CSMD1: variants seen among roughly 807,000 people sequenced by gnomAD.
The protein encoded by CSMD1 is CUB and Sushi multiple domains 1.
CSMD1 carries 213 observed loss-of-function variants against 417.5 expected under a neutral mutation model. The ratio of observed to expected loss-of-function variants is 0.51; its 90% CI spans 0.46 to 0.57. The LOEUF is 0.57. Ranked by LOEUF, CSMD1 falls within the 20% of genes least tolerant of loss-of-function variation. The pLI, the probability that CSMD1 is intolerant of heterozygous loss-of-function variation, is 0.00. For synonymous variants in CSMD1, 2,862 were observed against 1,736.8 expected (o/e 1.65, Z -16.11); for missense variants, 6,923 against 4,529.7 (o/e 1.53, Z -15.17).
intron 1 of CSMD1, among the ~76,000 whole-genome samples, chr8:4,947,938 G>C (rs1229211997): frequency 6.6e-6 from 1 of 151,908 alleles, no homozygotes; most frequent in Admixed American, 6.6e-5. Context: ...GGTGCTTTGT[G>C]CGTTTATTCC....
intron 5 of CSMD1, among the ~76,000 whole-genome samples, chr8:3,789,801 G>A (rs1799634666): frequency 6.8e-6 from 1 of 146,014 alleles, no homozygotes; most frequent in Non-Finnish European, 1.5e-5. Flanking sequence ...TGCTATCTTG[G>A]CTCACTGCAA....
At chr8:3,214,356 A>G (rs765689592) in intron 30 of CSMD1, 141 bp downstream of exon 30, 2 of 683,482 alleles carry the variant, frequency 2.9e-6, no homozygotes, top group Non-Finnish European at 4.8e-6. Context: ...AATGACTGAT[A>G]TTCGTTCCAC....
At chr8:4,570,951 T>C (rs111376405) in intron 2 of CSMD1, among the ~76,000 whole-genome samples, 5,677 of 152,308 alleles carry the variant, frequency 0.037, 311 homozygotes, top group African/African-American at 0.13. Flanking sequence ...TAGTATTCTG[T>C]GGTGGTACTT....
At chr8:2,950,195 C>A (rs917635346) in intron 67 of CSMD1, 36 bp downstream of exon 67, 2 of 1,307,846 alleles carry the variant, frequency 1.5e-6, no homozygotes, top group South Asian at 1.2e-5. Flanking sequence ...GATTAGAAAG[C>A]CTGTGCTTTG....
In CSMD1 at chr8:3,502,966, C is replaced by T. The variant is rs569311754; in HGVS notation, c.1345-9240G>A. Among the ~76,000 whole-genome samples, 3 of 152,194 alleles carry T rather than the reference C, an allele frequency of 2.0e-5. No homozygotes were observed. The South Asian group carries it at 6.2e-4, about 32-fold the overall frequency. On this transcript the variant is annotated intron_variant, in intron 10 of 69. Coordinates refer to ENST00000635120, the MANE Select transcript of CSMD1 (RefSeq NM_033225.6). ...TGAAAGCATCTGGTGAGGATGCTTA[C>T]AGTGGGGAGGTTGTGCATGTGTGGG...
chr8:4,602,843 C>A (rs1800665597), intron 2 of CSMD1, among the ~76,000 whole-genome samples: 1 of 151,450 alleles, frequency 6.6e-6, no homozygotes, highest in Non-Finnish European at 1.5e-5. Context: ...TATTAATAAA[C>A]AATAAAAAGA....
At position 4,172,128 on chromosome 8, in the gene CSMD1, G is replaced by C. The variant is rs566720042; in HGVS notation, c.416-140029C>G. Among the ~76,000 whole-genome samples, 10 of 152,248 alleles carry C rather than the reference G, an allele frequency of 6.6e-5. No homozygotes were observed. The South Asian group carries it at 2.1e-3, about 32-fold the overall frequency. ...ATGCGGATCATTTCAGTAGGTGCAT[G>C]ACTACCTAAAATTTGAAAAGATGGA... On this transcript the variant is annotated intron_variant, in intron 3 of 69. Transcript: ENST00000635120.
intron 3 of CSMD1, among the ~76,000 whole-genome samples, chr8:4,332,888 C>A (rs1381066364): frequency 2.1e-5 from 3 of 145,872 alleles, no homozygotes; most frequent in African/African-American, 2.6e-5. Context: ...TTGAGAAAAA[C>A]AACACAATGA....
chr8:4,543,643 A>G lies in CSMD1; in HGVS notation c.302+93699T>C, dbSNP rs147533117. ...TTCAGTAGATACCTATGATGGCTGG[A>G]TCATATGGGAAGGACACGTTTAATT... On this transcript the variant is annotated intron_variant, in intron 2 of 69. Coordinates refer to ENST00000635120, the MANE Select transcript of CSMD1 (RefSeq NM_033225.6). Among the ~76,000 whole-genome samples the G allele has an allele frequency of 4.2e-3, 545 of 131,066 alleles. 4 individuals carry two copies. The highest frequency in any genetic ancestry group is 0.015 in the African/African-American group (527 of 35,508). 86.0% of individuals were successfully genotyped at this position (131,066 alleles called of 152,430 possible).
intron 8 of CSMD1, among the ~76,000 whole-genome samples, chr8:3,606,501 T>G (rs1333667751): frequency 1.4e-5 from 1 of 73,324 alleles, no homozygotes; most frequent in Non-Finnish European, 3.9e-5. Context: ...CTCATTCATA[T>G]AGGGTACTCC....
chr8:4,171,118 A>G (rs1419518858), intron 3 of CSMD1, among the ~76,000 whole-genome samples: 1 of 151,838 alleles, frequency 6.6e-6, no homozygotes, highest in Non-Finnish European at 1.5e-5. Flanking sequence ...CCTTCAGCAC[A>G]CAAAGGTGAG....
At chr8:4,564,498 C>T (rs147766653) in intron 2 of CSMD1, among the ~76,000 whole-genome samples, 7 of 152,218 alleles carry the variant, frequency 4.6e-5, no homozygotes, top group Admixed American at 2.6e-4. Flanking sequence ...CATTCCATGA[C>T]ATACTTTATC....
chr8:3,546,609 T>G (rs1188673389), intron 10 of CSMD1, among the ~76,000 whole-genome samples: 1 of 152,124 alleles, frequency 6.6e-6, no homozygotes, highest in African/African-American at 2.4e-5. Context: ...GTCAAAAGTT[T>G]TGAATAATAC....
intron 41 of CSMD1, among the ~76,000 whole-genome samples, chr8:3,126,226 A>G (rs778051147): frequency 3.9e-5 from 6 of 152,192 alleles, no homozygotes; most frequent in Non-Finnish European, 8.8e-5. Context: ...ATGGGATGCT[A>G]AAAGAAATGA....
chr8:3,106,807 T>C (rs902568823), intron 45 of CSMD1, 166 bp from the exon 46 acceptor site: 1 of 486,396 alleles, frequency 2.1e-6, no homozygotes, highest in African/African-American at 2.0e-5. Context: ...CCGTTTTAAG[T>C]TCTTAATTTA....
Position 2,949,284 on chromosome 8 carries a change from C to G in CSMD1, c.10402+15G>C, listed in dbSNP as rs374385872. On this transcript the variant is annotated intron_variant, in intron 68 of 69. Coordinates refer to ENST00000635120, the MANE Select transcript of CSMD1 (RefSeq NM_033225.6). ...ACTGATATTTGCTTTAAAATATATC[C>G]TAAGTGCAACTTACCTTGCCTTTCT... is the stretch of plus-strand genomic sequence containing the variant. 1.4e-5 allele frequency: 21 copies of G among 1,450,278 alleles called. No homozygotes were observed. In the African/African-American group the frequency reaches 2.5e-4, roughly 17 times the overall value. The allele number at this position is 1,450,278 out of a possible 1,614,324, so 89.8% of individuals were successfully genotyped here. A position where few individuals can be genotyped will look rare whatever the true frequency, so the allele number is the denominator to read the frequency against.
intron 5 of CSMD1, among the ~76,000 whole-genome samples, chr8:3,776,805 G>GATATATATATATATATATATAT (rs1411200186): frequency 6.2e-4 from 60 of 96,750 alleles, no homozygotes; most frequent in African/African-American, 3.0e-3. Flanking sequence ...ACATATAGAC[G>GATATATATATATATATATATAT]AGATATATAT....
chr8:3,722,237 G>T (rs913264129), intron 6 of CSMD1, among the ~76,000 whole-genome samples: 31 of 152,008 alleles, frequency 2.0e-4, no homozygotes, highest in African/African-American at 7.0e-4. Context: ...TGACCAGGGA[G>T]GCAGAGATTG....
At chr8:3,719,995 T>C (rs1343656137) in intron 6 of CSMD1, among the ~76,000 whole-genome samples, 2 of 152,206 alleles carry the variant, frequency 1.3e-5, no homozygotes, top group Non-Finnish European at 2.9e-5. Context: ...GAAGATTACA[T>C]GACATGGCAA....
Sources: gnomAD v4.1 joint callset for allele counts (sites outside exome capture counted in the v4.1 genomes callset) on GRCh38, gnomAD v4.1.1 for gene constraint, MANE v1.5 for transcripts, NCBI Gene and HGNC (gene_info 2026-07-23, HGNC 2026-07-21) for gene names.